Variants in SEM1 observed in about 807,000 individuals in gnomAD.
The protein encoded by SEM1 is 26S proteasome complex subunit SEM1.
Under a neutral mutation model 12.7 loss-of-function variants are expected in SEM1, and 3 were observed. That is an observed-to-expected ratio of 0.24 (90% confidence interval 0.11 to 0.61). SEM1 has a LOEUF of 0.61. Among genes scored for constraint, SEM1 ranks in the 20% least tolerant of loss-of-function variants. SEM1 has a pLI of 0.88. For missense variants in SEM1, 59 were observed against 81.3 expected (o/e 0.73, Z 1.06); for synonymous variants, 30 against 27.8 (o/e 1.08, Z -0.25).
chr7:96,522,872 C>T (rs1362423038), intron 2 of SEM1, among the ~76,000 whole-genome samples: 1 of 88,578 alleles, frequency 1.1e-5, no homozygotes, highest in Non-Finnish European at 2.1e-5. Context: ...GCCTGGGCAA[C>T]AAGAGTGAAA....
intron 2 of SEM1, among the ~76,000 whole-genome samples, chr7:96,683,362 AT>A (rs1789671824): frequency 6.6e-6 from 1 of 152,106 alleles, no homozygotes; most frequent in Non-Finnish European, 1.5e-5. Context: ...TTGAATGATG[AT>A]CACTAAAAAG....
At chr7:96,638,964 C>T (rs925311812) in intron 2 of SEM1, among the ~76,000 whole-genome samples, 3 of 151,804 alleles carry the variant, frequency 2.0e-5, no homozygotes, top group Non-Finnish European at 4.4e-5. Context: ...TATCTGTAAA[C>T]GAGGCACAAT....
chr7:96,654,903 C>T (rs367621245), intron 2 of SEM1, among the ~76,000 whole-genome samples: 9 of 152,044 alleles, frequency 5.9e-5, no homozygotes, highest in South Asian at 4.1e-4. Flanking sequence ...TGTATGATGT[C>T]GCAAGCTCTC....
intron 2 of SEM1, among the ~76,000 whole-genome samples, chr7:96,641,239 T>C (rs1040114877): frequency 1.3e-5 from 2 of 151,900 alleles, no homozygotes; most frequent in African/African-American, 2.4e-5. Context: ...GTATTTATTC[T>C]CTCTTTTCTT....
chr7:96,514,735 A>G (rs1804036889), intron 2 of SEM1, among the ~76,000 whole-genome samples: 1 of 151,798 alleles, frequency 6.6e-6, no homozygotes, highest in Non-Finnish European at 1.5e-5. Flanking sequence ...GAAAAACTAC[A>G]AAACTCTGAT....
At chr7:96,485,573 C>T (rs185326973) in intron 2 of SEM1, among the ~76,000 whole-genome samples, 3 of 117,548 alleles carry the variant, frequency 2.6e-5, no homozygotes, top group Admixed American at 1.1e-4. Context: ...GGTGGAGTCT[C>T]ACTCTATTGC....
intron 2 of SEM1, among the ~76,000 whole-genome samples, chr7:96,541,128 T>C (rs1283446635): frequency 6.6e-6 from 1 of 151,908 alleles, no homozygotes; most frequent in Non-Finnish European, 1.5e-5. Context: ...GGTTGAACGG[T>C]AGTTCTGCTT....
chr7:96,492,471 G>A (rs1476778340), intron 1 of SEM1, among the ~76,000 whole-genome samples: 3 of 151,754 alleles, frequency 2.0e-5, no homozygotes, highest in Middle Eastern at 3.4e-3. Context: ...GTGCAGTGGC[G>A]TGTTCACAGC....
In SEM1 at chr7:96,489,146, A is replaced by G. The variant is rs546597083; in HGVS notation, c.13-2729T>C. On this transcript the variant is annotated intron_variant, in intron 1 of 3. Coordinates refer to the SEM1 transcript ENST00000356686. ...CCAAGCATGATGTTGACATTTTCAG[A>G]TGTACTCTCACAGTGCCGCCAGAAG... is the stretch of plus-strand genomic sequence containing the variant. Among the ~76,000 whole-genome samples the G allele has an allele frequency of 3.9e-5, 6 of 152,236 alleles. No individual in the cohort carries two copies. The East Asian group carries it at 1.2e-3, about 29-fold the overall frequency.
exon 2 of SEM1, chr7:96,486,370 T>C: frequency 6.5e-7 from 1 of 1,537,058 alleles, no homozygotes; most frequent in Non-Finnish European, 8.7e-7. Flanking sequence ...CATGCTTTCT[T>C]CCCACTTTTC....
intron 1 of SEM1, among the ~76,000 whole-genome samples, chr7:96,701,074 C>T (rs1790258984): frequency 1.3e-5 from 2 of 151,978 alleles, no homozygotes; most frequent in South Asian, 4.2e-4. Context: ...ACATGTCAGA[C>T]ACAGCTCAAA....
intron 2 of SEM1, among the ~76,000 whole-genome samples, chr7:96,562,338 A>G (rs1805712308): frequency 6.6e-6 from 1 of 152,204 alleles, no homozygotes; most frequent in Admixed American, 6.5e-5. Context: ...TAATTCATTA[A>G]TATTTTGTGA....
intron 2 of SEM1, among the ~76,000 whole-genome samples, chr7:96,616,818 T>A (rs971811238): frequency 3.9e-5 from 6 of 152,194 alleles, no homozygotes; most frequent in Admixed American, 6.5e-5. Flanking sequence ...ATATCACCAC[T>A]GCTTATTTTT....
intron 1 of SEM1, among the ~76,000 whole-genome samples, chr7:96,709,289 G>A (rs1312393990): frequency 6.6e-6 from 1 of 152,164 alleles, no homozygotes; most frequent in African/African-American, 2.4e-5. Flanking sequence ...CGTAACTACT[G>A]ACAATTCAAT....
chr7:96,597,676 G>GATAT (rs55710405), intron 2 of SEM1, among the ~76,000 whole-genome samples: 5,180 of 147,020 alleles, frequency 0.035, 124 homozygotes, highest in East Asian at 0.078. Flanking sequence ...TAGTATATAT[G>GATAT]ATATATATAT....
chr7:96,508,470 A>G (rs1803825720), intron 2 of SEM1, among the ~76,000 whole-genome samples: 1 of 152,116 alleles, frequency 6.6e-6, no homozygotes, highest in African/African-American at 2.4e-5. Flanking sequence ...CCACTCATGT[A>G]TACATGGCCT....
chr7:96,641,144 AAAAAAAT>A (rs1420214220), intron 2 of SEM1, among the ~76,000 whole-genome samples: 6 of 151,594 alleles, frequency 4.0e-5, no homozygotes, highest in African/African-American at 7.3e-5. Context: ...AGGGAGCCGA[AAAAAAAT>A]AAAAAATAAA....
intron 2 of SEM1, among the ~76,000 whole-genome samples, chr7:96,573,924 C>T (rs191725610): frequency 0.016 from 1,100 of 70,350 alleles, 5 homozygotes; most frequent in Middle Eastern, 0.11. Context: ...TTCACATGGT[C>T]CCATTTTTTT....
intron 2 of SEM1, among the ~76,000 whole-genome samples, chr7:96,509,358 C>T (rs142852990): frequency 2.6e-5 from 4 of 151,972 alleles, no homozygotes; most frequent in African/African-American, 9.6e-5. Flanking sequence ...GCCAAGATCC[C>T]CATTTACATC....
Sources: allele counts gnomAD v4.1 joint callset (sites outside exome capture counted in the v4.1 genomes callset), GRCh38; gene constraint gnomAD v4.1.1; transcripts MANE v1.5; gene names NCBI Gene and HGNC (gene_info 2026-07-23, HGNC 2026-07-21).